Variants in OXR1 observed in about 807,000 individuals in gnomAD.
OXR1 encodes oxidation resistance protein 1.
Under a neutral mutation model 104.6 loss-of-function variants are expected in OXR1, and 41 were observed. The ratio of observed to expected loss-of-function variants is 0.39; its 90% CI spans 0.31 to 0.51. OXR1 has a LOEUF of 0.51. OXR1 is among the 20% of genes least tolerant of loss of function. The pLI is 0.77. For synonymous variants in OXR1, 348 were observed against 348.4 expected (o/e 1.00, Z 0.01); for missense variants, 955 against 1,031.9 (o/e 0.93, Z 1.02).
At chr8:106,602,691 A>G (rs1820063637) in intron 3 of OXR1, among the ~76,000 whole-genome samples, 1 of 152,206 alleles carries the variant, frequency 6.6e-6, no homozygotes, top group Admixed American at 6.5e-5. Flanking sequence ...ATACATGTAT[A>G]TATGTATGCA....
chr8:106,414,536 TC>T (rs749632031), intron 2 of OXR1, among the ~76,000 whole-genome samples: 16 of 152,144 alleles, frequency 1.1e-4, no homozygotes, highest in Non-Finnish European at 2.2e-4. Context: ...CAGATAGTCT[TC>T]TTATCTATAC....
chr8:106,712,236 A>G (rs1831771725), intron 10 of OXR1, among the ~76,000 whole-genome samples: 3 of 152,122 alleles, frequency 2.0e-5, no homozygotes, highest in Admixed American at 2.0e-4. Flanking sequence ...AGTGATCATC[A>G]GTGGACAACT....
chr8:106,332,396 G>A (rs541507232), intron 1 of OXR1, among the ~76,000 whole-genome samples: 1 of 152,152 alleles, frequency 6.6e-6, no homozygotes, highest in Non-Finnish European at 1.5e-5. Flanking sequence ...TTAATGCTTA[G>A]GAATTTGATT....
At chr8:106,415,407 C>G (rs1321633735) in intron 2 of OXR1, among the ~76,000 whole-genome samples, 1 of 152,050 alleles carries the variant, frequency 6.6e-6, no homozygotes, top group Admixed American at 6.6e-5. Context: ...AAATTTAGTT[C>G]TAGCAACTAA....
chr8:106,335,640 G>T lies in OXR1; in HGVS notation c.-138-23836G>T, dbSNP rs546749502. Among the ~76,000 whole-genome samples, 11 of 152,050 alleles carry T rather than the reference G, an allele frequency of 7.2e-5. No individual in the cohort carries two copies. The South Asian group carries it at 2.3e-3, about 32-fold the overall frequency. On this transcript the variant is annotated intron_variant, in intron 1 of 16. Transcript: ENST00000517566. ...CTGAAGAAAAAATAAAAAAAATTTT[G>T]ATTTGAACTAAGTGATTTCCCGATT...
At chr8:106,327,275 A>G (rs1476581501) in intron 1 of OXR1, among the ~76,000 whole-genome samples, 1 of 152,320 alleles carries the variant, frequency 6.6e-6, no homozygotes, top group Admixed American at 6.5e-5. Flanking sequence ...TTCAAAAAGC[A>G]TAGTTTGAAC....
chr8:106,701,110 T>G, intron 7 of OXR1, among the ~76,000 whole-genome samples: 1 of 152,166 alleles, frequency 6.6e-6, no homozygotes, highest in East Asian at 1.9e-4. Flanking sequence ...GAATACAAAC[T>G]GATGTGTATG....
At chr8:106,661,404 T>C (rs1487084143) in intron 3 of OXR1, among the ~76,000 whole-genome samples, 1 of 152,210 alleles carries the variant, frequency 6.6e-6, no homozygotes, top group Non-Finnish European at 1.5e-5. Flanking sequence ...TATCACACCA[T>C]TGATCTAGTT....
chr8:106,500,301 G>A (rs1280859375), intron 2 of OXR1, among the ~76,000 whole-genome samples: 4 of 152,186 alleles, frequency 2.6e-5, no homozygotes, highest in African/African-American at 4.8e-5. Context: ...CCCGAAACCA[G>A]GCCTGGGCCT....
intron 1 of OXR1, among the ~76,000 whole-genome samples, chr8:106,308,199 TGA>T (rs1274894715): frequency 6.6e-6 from 1 of 152,130 alleles, no homozygotes; most frequent in East Asian, 1.9e-4. Context: ...AGTCCTGGTC[TGA>T]GTTTAAAGGC....
At chr8:106,288,565 ATATG>A (rs1812599411) in intron 1 of OXR1, among the ~76,000 whole-genome samples, 4 of 146,048 alleles carry the variant, frequency 2.7e-5, no homozygotes, top group Non-Finnish European at 5.9e-5. Flanking sequence ...GTGTGTATAT[ATATG>A]GTGTGTATAT....
At chr8:106,598,570 G>A (rs1328533001) in intron 3 of OXR1, among the ~76,000 whole-genome samples, 2 of 152,268 alleles carry the variant, frequency 1.3e-5, no homozygotes, top group Admixed American at 6.5e-5. Context: ...TTCAGGAACC[G>A]ACATGTCCAA....
intron 2 of OXR1, among the ~76,000 whole-genome samples, chr8:106,453,950 G>A (rs1820463918): frequency 1.3e-5 from 2 of 152,056 alleles, no homozygotes; most frequent in Non-Finnish European, 2.9e-5. Flanking sequence ...AAGGCACAAA[G>A]CATTCTTATT....
chr8:106,419,088 A>T (rs969902664), intron 2 of OXR1, among the ~76,000 whole-genome samples: 2 of 152,180 alleles, frequency 1.3e-5, no homozygotes, highest in Non-Finnish European at 2.9e-5. Flanking sequence ...CTCCATTGAA[A>T]TGTCAAATTT....
chr8:106,574,076 C>T (rs1032767086), intron 3 of OXR1, among the ~76,000 whole-genome samples: 1 of 152,262 alleles, frequency 6.6e-6, no homozygotes, highest in African/African-American at 2.4e-5. Context: ...GAAATGGCTA[C>T]TAAATATAGT....
chr8:106,551,698 A>G (rs1815817999), intron 3 of OXR1, among the ~76,000 whole-genome samples: 1 of 151,372 alleles, frequency 6.6e-6, no homozygotes, highest in Non-Finnish European at 1.5e-5. Context: ...CTGTAATCCC[A>G]GCACTTTCGG....
At chr8:106,716,117 G>A (rs939889392) in intron 11 of OXR1, among the ~76,000 whole-genome samples, 2 of 152,096 alleles carry the variant, frequency 1.3e-5, no homozygotes, top group South Asian at 2.1e-4. Flanking sequence ...TTAGATATAT[G>A]ATCTACTTTT....
intron 2 of OXR1, among the ~76,000 whole-genome samples, chr8:106,439,622 C>T (rs1012084637): frequency 1.3e-5 from 2 of 152,004 alleles, no homozygotes; most frequent in African/African-American, 4.8e-5. Flanking sequence ...CATGTGCTGG[C>T]TTTTAAAAGT....
At chr8:106,466,808 T>G (rs78515961) in intron 2 of OXR1, among the ~76,000 whole-genome samples, 1 of 151,906 alleles carries the variant, frequency 6.6e-6, no homozygotes, top group Non-Finnish European at 1.5e-5. Flanking sequence ...ATAATGGATA[T>G]TGAATACATG....
Sources: allele counts gnomAD v4.1 joint callset (sites outside exome capture counted in the v4.1 genomes callset), GRCh38; gene constraint gnomAD v4.1.1; transcripts MANE v1.5; gene names NCBI Gene and HGNC (gene_info 2026-07-23, HGNC 2026-07-21).